Variants in LUC7L observed in about 807,000 individuals in gnomAD.
The protein encoded by LUC7L is putative RNA-binding protein Luc7-like 1.
In LUC7L, 29 loss-of-function variants were observed where a neutral mutation model predicts 51.1. That is an observed-to-expected ratio of 0.57 (90% CI 0.42 to 0.77). The LOEUF (loss-of-function observed/expected upper bound fraction) is 0.77. LUC7L is among the 30% of genes least tolerant of loss of function. The pLI is 0.00. For synonymous variants in LUC7L, 181 were observed against 180.7 expected (o/e 1.00, Z -0.01); for missense variants, 403 against 511.9 (o/e 0.79, Z 2.05).
chr16:189,872 G>A, intron 9 of LUC7L, 96 bp downstream of exon 9: 1 of 1,528,576 alleles, frequency 6.5e-7, no homozygotes. Context: ...GGTGAGCCCA[G>A]CCCCATCCCC....
chr16:193,670 T>A (rs1385597426), intron 6 of LUC7L, among the ~76,000 whole-genome samples: 3 of 151,848 alleles, frequency 2.0e-5, no homozygotes, highest in African/African-American at 7.3e-5. Context: ...AATTTTTGTA[T>A]GTTTAGTAGA....
In LUC7L at chr16:220,674, T is replaced by C. The variant is rs1442680248; in HGVS notation, c.230A>G (p.Glu77Gly). ...ATCTAATTCAAAAAACAGGTCTCTTTCTTTACTTGCAATCTCATAATCTGC... is the reference window on the plus strand; with the variant it reads ...ATCTAATTCAAAAAACAGGTCTCTTCCTTTACTTGCAATCTCATAATCTGC... The part of the protein sequence containing the change: ...LRADYEIASK[E>G]RDLFFELDAM... The change falls in exon 3 of 10, where the codon GAA (glutamate) becomes GGA (glycine). Residue 77 changes from glutamate to glycine, a missense_variant. Transcript: ENST00000293872. The C allele has an allele frequency of 1.2e-6, 2 of 1,613,786 alleles. No homozygotes were observed. The highest frequency in any genetic ancestry group is 1.7e-5 in the Admixed American group (1 of 59,976).
chr16:213,131 T>C (rs2049692148), intron 3 of LUC7L, among the ~76,000 whole-genome samples: 1 of 152,160 alleles, frequency 6.6e-6, no homozygotes, highest in South Asian at 2.1e-4. Flanking sequence ...GTTGAGAAAC[T>C]TAGTTTATTT....
At chr16:192,369 G>A (rs2049031720) in intron 7 of LUC7L, among the ~76,000 whole-genome samples, 1 of 152,034 alleles carries the variant, frequency 6.6e-6, no homozygotes, top group South Asian at 2.1e-4. Context: ...TGGCCCCATA[G>A]CACTCAGTAA....
Position 199,246 on chromosome 16 carries a change from A to C in LUC7L, c.511-8T>G, listed in dbSNP as rs1318164780. The stretch of plus-strand genomic sequence containing the variant: ...GGAATTTCTGTATTCTTCCTGAAGA[A>C]GGAAAATGGAGAAATAAAAGTGAGG... On this transcript the variant is annotated splice_polypyrimidine_tract_variant and splice_region_variant and intron_variant, in intron 5 of 9. Coordinates refer to ENST00000293872, the MANE Select transcript of LUC7L (RefSeq NM_201412.3). The C allele has an allele frequency of 2.5e-6, 4 of 1,578,040 alleles. No individual in the cohort carries two copies. The East Asian group carries it at 9.1e-5, about 36-fold the overall frequency.
intron 8 of LUC7L, 112 bp downstream of exon 8, chr16:190,429 A>G (rs2048981977): frequency 8.3e-7 from 1 of 1,202,430 alleles, no homozygotes; most frequent in Admixed American, 1.8e-5. Flanking sequence ...TGCCCTTCAC[A>G]AGCCAGCCCT....
At chr16:207,659 T>C (rs2049521058) in intron 4 of LUC7L, among the ~76,000 whole-genome samples, 1 of 152,112 alleles carries the variant, frequency 6.6e-6, no homozygotes, top group Non-Finnish European at 1.5e-5. Flanking sequence ...CCTCTATCCT[T>C]AACTGGAGTA....
chr16:210,910 G>A (rs1002396000), intron 3 of LUC7L, among the ~76,000 whole-genome samples: 4 of 151,980 alleles, frequency 2.6e-5, no homozygotes, highest in African/African-American at 9.7e-5. Flanking sequence ...AATTAGCCGG[G>A]CGTGGTGGCG....
At chr16:220,564 A>G (rs888945067) in intron 3 of LUC7L, 85 bp downstream of exon 3, 5 of 1,021,800 alleles carry the variant, frequency 4.9e-6, no homozygotes. Flanking sequence ...ATTTTGCTTC[A>G]TAACTTACGT....
chr16:210,031 T>G (rs2049595648), intron 3 of LUC7L, among the ~76,000 whole-genome samples: 1 of 152,208 alleles, frequency 6.6e-6, no homozygotes, highest in Non-Finnish European at 1.5e-5. Context: ...CTCACGCCTG[T>G]AATCCCAGCA....
intron 3 of LUC7L, among the ~76,000 whole-genome samples, chr16:219,935 A>C (rs1306853068): frequency 6.6e-6 from 1 of 152,184 alleles, no homozygotes; most frequent in Non-Finnish European, 1.5e-5. Flanking sequence ...AAAAAAATGC[A>C]AATTGAGATC....
intron 5 of LUC7L, among the ~76,000 whole-genome samples, chr16:203,756 C>T (rs940994937): frequency 2.0e-5 from 3 of 151,292 alleles, no homozygotes; most frequent in African/African-American, 7.3e-5. Flanking sequence ...GTGGCTCACA[C>T]CTGTAATCCC....
At chr16:214,272 T>C (rs939791934) in intron 3 of LUC7L, among the ~76,000 whole-genome samples, 23 of 149,940 alleles carry the variant, frequency 1.5e-4, no homozygotes, top group African/African-American at 5.7e-4. Context: ...TTCACCATGT[T>C]GGTCAGGCTG....
chr16:221,604 G>A (rs1289639841), intron 2 of LUC7L, among the ~76,000 whole-genome samples: 1 of 152,058 alleles, frequency 6.6e-6, no homozygotes, highest in Non-Finnish European at 1.5e-5. Context: ...CTGGGGAGCT[G>A]AGACACAAGA....
rs183529863 is a variant in LUC7L, at chr16:193,291, C to T, written c.688-276G>A. 1.2e-3 allele frequency among the ~76,000 whole-genome samples: 180 copies of T among 151,874 alleles called. 1 individual carries two copies. The highest frequency in any genetic ancestry group is 3.7e-3 in the Admixed American group (57 of 15,256). ...CCTCCCAAGTAGCTGGGATTACAGG[C>T]ACATGCCACCACACCCAACTAATTT... is the stretch of plus-strand genomic sequence containing the variant. On this transcript the variant is annotated intron_variant, in intron 6 of 9. Coordinates refer to ENST00000293872, the MANE Select transcript of LUC7L (RefSeq NM_201412.3).
At chr16:209,684 G>A (rs2049584228) in intron 3 of LUC7L, 1 of 152,106 alleles carries the variant, frequency 6.6e-6, no homozygotes, top group Non-Finnish European at 1.5e-5. Flanking sequence ...AGGTGGAGAT[G>A]AGAAGGCAGA....
At chr16:194,982 T>C (rs2049110776) in intron 6 of LUC7L, among the ~76,000 whole-genome samples, 2 of 152,124 alleles carry the variant, frequency 1.3e-5, no homozygotes, top group African/African-American at 4.8e-5. Context: ...TAATCTTCCA[T>C]ACCCAGTGTG....
At chr16:203,295 C>T (rs1034736241) in intron 5 of LUC7L, among the ~76,000 whole-genome samples, 1 of 152,154 alleles carries the variant, frequency 6.6e-6, no homozygotes, top group Non-Finnish European at 1.5e-5. Flanking sequence ...TCTACCAAAG[C>T]ATTAGGGAGC....
chr16:216,839 C>T (rs976167433), intron 3 of LUC7L, among the ~76,000 whole-genome samples: 1 of 152,072 alleles, frequency 6.6e-6, no homozygotes, highest in Non-Finnish European at 1.5e-5. Context: ...TCTCTCAAGG[C>T]ACATGCCACC....
Sources: allele counts gnomAD v4.1 joint callset (sites outside exome capture counted in the v4.1 genomes callset), GRCh38; gene constraint gnomAD v4.1.1; transcripts MANE v1.5; gene names NCBI Gene and HGNC (gene_info 2026-07-23, HGNC 2026-07-21).